Variants in SLC39A11 observed in about 807,000 individuals in gnomAD.
The protein encoded by SLC39A11 is solute carrier family 39 member 11.
SLC39A11 carries 33 observed loss-of-function variants against 36.1 expected under a neutral mutation model. The ratio of observed to expected loss-of-function variants is 0.91; its 90% CI spans 0.69 to 1.22. SLC39A11 has a LOEUF of 1.22. SLC39A11 is among the 50% of genes most tolerant of loss of function. The pLI is 0.00. For synonymous variants in SLC39A11, 166 were observed against 170.3 expected, an observed-to-expected ratio of 0.97 and a Z score of 0.20; for missense variants, 432 against 430.3, an observed-to-expected ratio of 1.00 and a Z score of -0.03.
At chr17:73,081,697 G>GTA (rs1286131001) in intron 3 of SLC39A11, among the ~76,000 whole-genome samples, 2 of 139,812 alleles carry the variant, frequency 1.4e-5, no homozygotes, top group Non-Finnish European at 3.1e-5. Context: ...ATGTATATAT[G>GTA]TATGTATATA....
At chr17:73,083,006 A>T (rs1304483943) in intron 3 of SLC39A11, among the ~76,000 whole-genome samples, 4 of 94,148 alleles carry the variant, frequency 4.2e-5, no homozygotes, top group Admixed American at 1.6e-4. Flanking sequence ...ACAGAGGGAG[A>T]CTCCATTTCA....
At chr17:72,900,134 G>GAA (rs879548998) in intron 5 of SLC39A11, among the ~76,000 whole-genome samples, 1,419 of 83,276 alleles carry the variant, frequency 0.017, 269 homozygotes, top group African/African-American at 0.11. Context: ...AAGAAAGAAA[G>GAA]AAAGAAAAAG....
At chr17:72,851,030 G>A (rs143502252) in intron 5 of SLC39A11, among the ~76,000 whole-genome samples, 3 of 152,036 alleles carry the variant, frequency 2.0e-5, no homozygotes, top group East Asian at 1.9e-4. Context: ...CGAGGGAAGC[G>A]GCTGGACAGA....
intron 5 of SLC39A11, among the ~76,000 whole-genome samples, chr17:72,905,908 C>G (rs893729222): frequency 1.3e-5 from 2 of 152,148 alleles, no homozygotes; most frequent in African/African-American, 4.8e-5. Flanking sequence ...CGCCCGCCAC[C>G]ACGCCCGGCT....
rs56090007 is a variant in SLC39A11 at position 72,721,087 on chromosome 17, C to CT, written c.671+15562dup. Among the ~76,000 whole-genome samples the CT allele has an allele frequency of 7.8e-3, 982 of 126,532 alleles. 15 individuals are homozygous for CT. The highest frequency in any genetic ancestry group is 0.011 in the African/African-American group (351 of 32,578). 83.0% of individuals were successfully genotyped at this position (126,532 alleles called of 152,430 possible). On this transcript the variant is annotated intron_variant, in intron 7 of 9. Coordinates refer to ENST00000255559, the MANE Select transcript of SLC39A11 (RefSeq NM_139177.4). ...CACAGACTTGACTGCTGTCCCTCGC[C>CT]TTTTTTTTTTTTTTTTTTTTAAGTT...
chr17:72,742,463 C>T (rs2074756873), intron 6 of SLC39A11, among the ~76,000 whole-genome samples: 1 of 152,156 alleles, frequency 6.6e-6, no homozygotes, highest in Admixed American at 6.5e-5. Flanking sequence ...TGTTCTCAAC[C>T]TTGTTTGGCA....
intron 6 of SLC39A11, among the ~76,000 whole-genome samples, chr17:72,816,815 C>T (rs1011424142): frequency 1.3e-5 from 2 of 152,188 alleles, no homozygotes; most frequent in East Asian, 3.9e-4. Flanking sequence ...GGATTTCATA[C>T]ACCATAGCCC....
intron 3 of SLC39A11, among the ~76,000 whole-genome samples, chr17:73,076,768 G>A (rs1036212535): frequency 6.6e-6 from 1 of 151,086 alleles, no homozygotes; most frequent in African/African-American, 2.4e-5. Flanking sequence ...CCTAGGAGAA[G>A]TAAGGGGAAG....
At chr17:73,061,003 G>A (rs142290067) in intron 3 of SLC39A11, among the ~76,000 whole-genome samples, 1,800 of 152,250 alleles carry the variant, frequency 0.012, 36 homozygotes, top group African/African-American at 0.04. Flanking sequence ...GGAGGCTCAC[G>A]GAAAAGATTC....
At chr17:72,661,381 G>A (rs978962487) in intron 7 of SLC39A11, among the ~76,000 whole-genome samples, 8 of 152,230 alleles carry the variant, frequency 5.3e-5, no homozygotes, top group South Asian at 2.1e-4. Context: ...ATTGGCAAGC[G>A]AAGGGACGGC....
At chr17:73,027,471 T>C (rs1459258465) in intron 4 of SLC39A11, among the ~76,000 whole-genome samples, 1 of 152,268 alleles carries the variant, frequency 6.6e-6, no homozygotes, top group Non-Finnish European at 1.5e-5. Flanking sequence ...AGAGCTTCTC[T>C]ACTTTATTCC....
At chr17:72,722,359 A>G (rs2073720226) in intron 7 of SLC39A11, among the ~76,000 whole-genome samples, 2 of 152,242 alleles carry the variant, frequency 1.3e-5, no homozygotes, top group South Asian at 4.1e-4. Flanking sequence ...CAACAGATGA[A>G]AACAGTAGCA....
At chr17:72,875,527 T>C (rs1022514731) in intron 5 of SLC39A11, among the ~76,000 whole-genome samples, 4 of 152,200 alleles carry the variant, frequency 2.6e-5, no homozygotes, top group Non-Finnish European at 5.9e-5. Context: ...AACCCACTGA[T>C]GCCAAATGCT....
intron 6 of SLC39A11, among the ~76,000 whole-genome samples, chr17:72,799,714 C>T (rs530041213): frequency 2.0e-5 from 3 of 151,816 alleles, no homozygotes; most frequent in East Asian, 1.9e-4. Flanking sequence ...GTGGTCAGAC[C>T]GGTTCTCTGC....
intron 6 of SLC39A11, among the ~76,000 whole-genome samples, chr17:72,765,357 C>G (rs1568052353): frequency 6.6e-6 from 1 of 152,192 alleles, no homozygotes; most frequent in African/African-American, 2.4e-5. Context: ...ATCAGCAGCA[C>G]CCATTCCCTT....
chr17:73,044,269 A>C (rs541285366), intron 3 of SLC39A11, among the ~76,000 whole-genome samples: 2 of 152,352 alleles, frequency 1.3e-5, no homozygotes, highest in African/African-American at 4.8e-5. Context: ...CTTTATTCAC[A>C]GTAGCCCCAA....
chr17:72,646,191 A>G lies in SLC39A11; in HGVS notation c.*1393T>C, dbSNP rs1768104423. On this transcript the variant is annotated 3_prime_UTR_variant, in exon 10 of 10. Coordinates refer to ENST00000255559, the MANE Select transcript of SLC39A11 (RefSeq NM_139177.4). Reference sequence around the variant, plus strand: ...AGGTTGGCCTTTGGGGTCTGATAGCATTCACAGAGCAGGAGATTCACCCTT... The same window carrying G: ...AGGTTGGCCTTTGGGGTCTGATAGCGTTCACAGAGCAGGAGATTCACCCTT... 1 of 152,698 alleles carries G rather than the reference A, an allele frequency of 6.5e-6. No homozygotes were observed. Among genetic ancestry groups the G allele is most frequent in the Admixed American group, 6.5e-5 (1 of 15,292 alleles). The allele number at this position is 152,698 out of a possible 1,614,324, so 9.5% of individuals were successfully genotyped here.
At chr17:72,798,919 A>G (rs2076989805) in intron 6 of SLC39A11, among the ~76,000 whole-genome samples, 1 of 152,052 alleles carries the variant, frequency 6.6e-6, no homozygotes, top group African/African-American at 2.4e-5. Context: ...GCAGGCCCAG[A>G]TGTAGAGAAT....
At chr17:73,019,616 G>A (rs1221719938) in intron 4 of SLC39A11, among the ~76,000 whole-genome samples, 1 of 151,982 alleles carries the variant, frequency 6.6e-6, no homozygotes, top group Non-Finnish European at 1.5e-5. Flanking sequence ...AACACAAAGA[G>A]ATACATTTTT....
Sources: allele counts gnomAD v4.1 joint callset (sites outside exome capture counted in the v4.1 genomes callset), GRCh38; gene constraint gnomAD v4.1.1; transcripts MANE v1.5; gene names NCBI Gene and HGNC (gene_info 2026-07-23, HGNC 2026-07-21).